RALYL: variants seen among roughly 807,000 people sequenced by gnomAD.
RALYL encodes the protein RALY RNA binding protein like, also known as RNA-binding Raly-like protein.
Under a neutral mutation model 35.1 loss-of-function variants are expected in RALYL, and 29 were observed. That is an observed-to-expected ratio of 0.83 (90% CI 0.61 to 1.13). The LOEUF (loss-of-function observed/expected upper bound fraction) is 1.13, where lower values mean the gene tolerates loss of function less well. RALYL is among the 50% of genes most tolerant of loss of function. RALYL has a pLI of 0.00. For synonymous variants in RALYL, 120 were observed against 127.6 expected (o/e 0.94, Z 0.40); for missense variants, 359 against 360.4 (o/e 1.00, Z 0.03).
intron 2 of RALYL, among the ~76,000 whole-genome samples, chr8:84,540,444 C>T (rs561007039): frequency 4.4e-4 from 67 of 151,958 alleles, no homozygotes; most frequent in Non-Finnish European, 7.7e-4. Flanking sequence ...ATTTCATGCA[C>T]GCATTCAAAT....
intron 2 of RALYL, among the ~76,000 whole-genome samples, chr8:84,643,562 C>T (rs899954717): frequency 3.3e-5 from 5 of 151,986 alleles, no homozygotes; most frequent in Admixed American, 1.3e-4. Context: ...TCACAGGCAT[C>T]CCTATGCCCC....
chr8:84,562,696 G>A (rs1383126255), intron 2 of RALYL, among the ~76,000 whole-genome samples: 1 of 151,762 alleles, frequency 6.6e-6, no homozygotes, highest in African/African-American at 2.4e-5. Flanking sequence ...TACAAAATGT[G>A]GTCTGCAGAC....
chr8:84,303,460 G>T (rs1223358819), intron 1 of RALYL, among the ~76,000 whole-genome samples: 1 of 152,182 alleles, frequency 6.6e-6, no homozygotes, highest in African/African-American at 2.4e-5. Flanking sequence ...CAACTGTGTT[G>T]TTGTAGGTTG....
At chr8:84,846,142 T>C (rs548820711) in intron 4 of RALYL, among the ~76,000 whole-genome samples, 3 of 152,182 alleles carry the variant, frequency 2.0e-5, no homozygotes, top group Admixed American at 2.0e-4. Context: ...TGTTGTTCCC[T>C]ATGAATTTTC....
intron 4 of RALYL, among the ~76,000 whole-genome samples, chr8:84,840,218 G>GA (rs543839884): frequency 0.4 from 60,229 of 150,504 alleles, 12,258 homozygotes; most frequent in East Asian, 0.63. Context: ...AAAAAACCTT[G>GA]AAAAAAAAAT....
At position 84,219,671 on chromosome 8, in the gene RALYL, G is replaced by A. The variant is rs116819035; in HGVS notation, c.-24+35247G>A. ...TCTTTCCAGAGAAATGGATGAGAAT[G>A]CAGGGTGCAACATAGCATAACTGAG... On this transcript the variant is annotated intron_variant, in intron 1 of 8. Transcript: ENST00000521268. Among the ~76,000 whole-genome samples the A allele has an allele frequency of 4.0e-3, 603 of 151,966 alleles. 6 individuals carry two copies. The highest frequency in any genetic ancestry group is 0.013 in the African/African-American group (547 of 41,466).
intron 8 of RALYL, among the ~76,000 whole-genome samples, chr8:84,889,569 T>C (rs1232976645): frequency 6.6e-6 from 1 of 152,192 alleles, no homozygotes; most frequent in Non-Finnish European, 1.5e-5. Context: ...TGTCCCAAGA[T>C]GTCTTCATCA....
chr8:84,787,706 T>C (rs1819869709), intron 3 of RALYL, among the ~76,000 whole-genome samples: 1 of 152,216 alleles, frequency 6.6e-6, no homozygotes, highest in Non-Finnish European at 1.5e-5. Flanking sequence ...ATTTTAATGA[T>C]CGCCATTCTA....
At chr8:84,282,127 C>A (rs1836698327) in intron 1 of RALYL, among the ~76,000 whole-genome samples, 1 of 152,124 alleles carries the variant, frequency 6.6e-6, no homozygotes, top group Admixed American at 6.6e-5. Context: ...TTAAGATGTA[C>A]AAGCTCAAAG....
intron 1 of RALYL, among the ~76,000 whole-genome samples, chr8:84,238,539 C>T (rs955112244): frequency 5.9e-5 from 9 of 151,926 alleles, no homozygotes; most frequent in African/African-American, 1.7e-4. Context: ...CTTATAACTG[C>T]GATATTCATA....
chr8:84,658,035 G>A (rs1050059443), intron 2 of RALYL, among the ~76,000 whole-genome samples: 6 of 152,112 alleles, frequency 3.9e-5, no homozygotes, highest in Non-Finnish European at 7.4e-5. Context: ...TGGGAGGTTG[G>A]ACACCATCTC....
intron 2 of RALYL, among the ~76,000 whole-genome samples, chr8:84,611,126 C>T (rs1191328415): frequency 6.6e-6 from 1 of 152,048 alleles, no homozygotes; most frequent in African/African-American, 2.4e-5. Flanking sequence ...TTATTATTAT[C>T]ACAGTTTATC....
chr8:84,919,782 G>A (rs1031908197), intron 8 of RALYL, among the ~76,000 whole-genome samples: 4 of 152,076 alleles, frequency 2.6e-5, no homozygotes, highest in African/African-American at 7.2e-5. Flanking sequence ...AAGTGGGTAT[G>A]TTTTGTTTTA....
intron 1 of RALYL, among the ~76,000 whole-genome samples, chr8:84,351,933 G>T (rs1264106753): frequency 6.7e-6 from 1 of 150,278 alleles, no homozygotes; most frequent in African/African-American, 2.5e-5. Flanking sequence ...GTTAGAGTTT[G>T]TAAGGTGACC....
At chr8:84,295,494 C>A (rs1447961853) in intron 1 of RALYL, among the ~76,000 whole-genome samples, 9 of 151,992 alleles carry the variant, frequency 5.9e-5, no homozygotes, top group Non-Finnish European at 1.3e-4. Context: ...GAGATGGAGT[C>A]TTGCTATGTT....
chr8:84,388,066 C>G (rs891140120), intron 1 of RALYL, among the ~76,000 whole-genome samples: 1 of 151,950 alleles, frequency 6.6e-6, no homozygotes, highest in African/African-American at 2.4e-5. Flanking sequence ...TTGTTCAATT[C>G]CCACCTATGA....
intron 1 of RALYL, among the ~76,000 whole-genome samples, chr8:84,190,640 A>G (rs1813626092): frequency 6.6e-6 from 1 of 152,198 alleles, no homozygotes. Context: ...AGAAAGTAGT[A>G]TCTGTAGGAG....
chr8:84,863,137 C>A (rs1412061948), intron 6 of RALYL, among the ~76,000 whole-genome samples: 1 of 152,032 alleles, frequency 6.6e-6, no homozygotes, highest in African/African-American at 2.4e-5. Flanking sequence ...CTTGAGATTG[C>A]CTTTTATCAG....
At chr8:84,243,958 A>G (rs928652094) in intron 1 of RALYL, among the ~76,000 whole-genome samples, 4 of 152,104 alleles carry the variant, frequency 2.6e-5, no homozygotes, top group African/African-American at 9.7e-5. Flanking sequence ...AGACCTTTCC[A>G]TCAATGTAAA....
Sources: gnomAD v4.1 joint callset for allele counts (sites outside exome capture counted in the v4.1 genomes callset) on GRCh38, gnomAD v4.1.1 for gene constraint, MANE v1.5 for transcripts, NCBI Gene and HGNC (gene_info 2026-07-23, HGNC 2026-07-21) for gene names.